SYT1: variants seen among roughly 807,000 people sequenced by gnomAD.
The protein encoded by SYT1 is synaptotagmin-1.
In SYT1, 8 loss-of-function variants were observed where a neutral mutation model predicts 44.8. The ratio of observed to expected loss-of-function variants is 0.18; its 90% confidence interval spans 0.10 to 0.32. The LOEUF (loss-of-function observed/expected upper bound fraction) is 0.32, where lower values mean the gene tolerates loss of function less well. Ranked by LOEUF, SYT1 falls within the 10% of genes least tolerant of loss-of-function variation. The pLI is 1.00. For missense variants in SYT1, 286 were observed against 509.3 expected (o/e 0.56, Z 4.22); for synonymous variants, 154 against 188.8 (o/e 0.82, Z 1.51).
chr12:79,297,157 A>G (rs1879914945), intron 7 of SYT1, among the ~76,000 whole-genome samples: 1 of 152,130 alleles, frequency 6.6e-6, no homozygotes, highest in Non-Finnish European at 1.5e-5. Flanking sequence ...TGTAAAGGGG[A>G]AGTGTCTTTC....
chr12:79,176,297 A>T (rs1871862767), intron 3 of SYT1, among the ~76,000 whole-genome samples: 1 of 151,668 alleles, frequency 6.6e-6, no homozygotes, highest in Non-Finnish European at 1.5e-5. Context: ...CTCAAAAAAA[A>T]AAAAAAATAC....
chr12:78,999,915 A>G (rs1870620721), intron 2 of SYT1, among the ~76,000 whole-genome samples: 1 of 152,214 alleles, frequency 6.6e-6, no homozygotes, highest in South Asian at 2.1e-4. Flanking sequence ...TGCCGATTAT[A>G]CAACTGGATA....
rs539390036 is a variant in SYT1 at position 78,913,833 on chromosome 12, C to T, written c.-217+48724C>T. ...AACCTTATGTATCACTAGTCACATA[C>T]ATGGGGATATTGGAAGGGTATCTTG... is the stretch of plus-strand genomic sequence containing the variant. On this transcript the variant is annotated intron_variant, in intron 1 of 10. Transcript: ENST00000261205. Among the ~76,000 whole-genome samples, 4 of 151,950 alleles carry T rather than the reference C, an allele frequency of 2.6e-5. No homozygotes were observed. In the East Asian group the frequency reaches 5.8e-4, roughly 22 times the overall value.
chr12:79,416,253 C>A (rs1390853541), intron 9 of SYT1, among the ~76,000 whole-genome samples: 4 of 152,154 alleles, frequency 2.6e-5, no homozygotes, highest in Non-Finnish European at 5.9e-5. Context: ...GTGTCACAGT[C>A]ACATGATCAC....
At chr12:79,195,355 T>A (rs1873387163) in intron 3 of SYT1, among the ~76,000 whole-genome samples, 1 of 152,140 alleles carries the variant, frequency 6.6e-6, no homozygotes, top group Non-Finnish European at 1.5e-5. Context: ...TCCACCAAAA[T>A]GAAAATTCTA....
chr12:79,167,710 T>G (rs566782921), intron 3 of SYT1, among the ~76,000 whole-genome samples: 16 of 152,036 alleles, frequency 1.1e-4, no homozygotes, highest in Non-Finnish European at 1.9e-4. Flanking sequence ...TAAATTGCAA[T>G]TAAAACATTA....
chr12:78,912,090 G>C (rs1268569325), intron 1 of SYT1, among the ~76,000 whole-genome samples: 1 of 151,780 alleles, frequency 6.6e-6, no homozygotes, highest in Non-Finnish European at 1.5e-5. Flanking sequence ...ATACAATTTA[G>C]AATTGGGATA....
intron 1 of SYT1, among the ~76,000 whole-genome samples, chr12:78,945,800 T>C (rs567502457): frequency 6.6e-6 from 1 of 152,274 alleles, no homozygotes; most frequent in African/African-American, 2.4e-5. Context: ...CCTTATTCAG[T>C]CCCTGATCCT....
At chr12:79,380,534 A>G (rs914547635) in intron 9 of SYT1, among the ~76,000 whole-genome samples, 1 of 152,180 alleles carries the variant, frequency 6.6e-6, no homozygotes, top group African/African-American at 2.4e-5. Context: ...AGTCGGGACT[A>G]CAGATACACA....
chr12:79,134,472 A>T (rs1869053856), intron 3 of SYT1, among the ~76,000 whole-genome samples: 1 of 152,158 alleles, frequency 6.6e-6, no homozygotes, highest in African/African-American at 2.4e-5. Flanking sequence ...ACTTTATCAC[A>T]CCCTGATGAC....
At chr12:79,075,366 A>T (rs2137921986) in intron 3 of SYT1, among the ~76,000 whole-genome samples, 1 of 152,216 alleles carries the variant, frequency 6.6e-6, no homozygotes, top group East Asian at 1.9e-4. Flanking sequence ...ATCCAAATAG[A>T]CTTTTTGGCC....
At position 78,895,190 on chromosome 12, in the gene SYT1, A is replaced by ATAT. The variant is rs1303104847; in HGVS notation, c.-217+30084_-217+30086dup. Among the ~76,000 whole-genome samples, 4 of 151,758 alleles carry ATAT rather than the reference A, an allele frequency of 2.6e-5. No individual in the cohort carries two copies. In the South Asian group the frequency reaches 8.3e-4, roughly 31 times the overall value. ...TTATTGAAATGAGTAACTCATGAGA[A>ATAT]TATTACTTTTTTGAGATATAAAATT... On this transcript the variant is annotated intron_variant, in intron 1 of 10. Coordinates refer to ENST00000261205, the MANE Select transcript of SYT1 (RefSeq NM_005639.3).
intron 10 of SYT1, among the ~76,000 whole-genome samples, chr12:79,448,390 C>A (rs186210731): frequency 9.2e-5 from 14 of 152,210 alleles, no homozygotes; most frequent in African/African-American, 3.4e-4. Flanking sequence ...TATATTAATT[C>A]TATATTAATT....
intron 3 of SYT1, among the ~76,000 whole-genome samples, chr12:79,156,282 G>T (rs578044544): frequency 6.6e-6 from 1 of 152,278 alleles, no homozygotes; most frequent in African/African-American, 2.4e-5. Context: ...TTTAATCAGG[G>T]AAGCTCACTG....
intron 8 of SYT1, among the ~76,000 whole-genome samples, chr12:79,314,168 C>CAAAAAA (rs34951756): frequency 1.0e-4 from 7 of 67,284 alleles, no homozygotes; most frequent in African/African-American, 2.5e-4. Context: ...GACTCCGTCT[C>CAAAAAA]AAAAAAAAAA....
chr12:78,875,111 A>G (rs1442582920), intron 1 of SYT1, among the ~76,000 whole-genome samples: 5 of 151,694 alleles, frequency 3.3e-5, no homozygotes, highest in Non-Finnish European at 7.4e-5. Context: ...GAGTTTATAA[A>G]GTTTTAACCT....
chr12:79,300,988 C>T (rs1278169308), intron 8 of SYT1, among the ~76,000 whole-genome samples: 3 of 150,722 alleles, frequency 2.0e-5, no homozygotes, highest in African/African-American at 7.3e-5. Flanking sequence ...AGTAATGTTA[C>T]AGACATCTTC....
chr12:79,428,842 C>T (rs868272116), intron 9 of SYT1, among the ~76,000 whole-genome samples: 1 of 152,132 alleles, frequency 6.6e-6, no homozygotes, highest in African/African-American at 2.4e-5. Flanking sequence ...TTATTTGGCT[C>T]ATGGTTCTAT....
At chr12:78,948,916 T>G (rs1432270628) in intron 1 of SYT1, among the ~76,000 whole-genome samples, 1 of 150,602 alleles carries the variant, frequency 6.6e-6, no homozygotes, top group Non-Finnish European at 1.5e-5. Context: ...AAGCCTAAGT[T>G]AAAATCTCTT....
Sources: gnomAD v4.1 joint callset for allele counts (sites outside exome capture counted in the v4.1 genomes callset) on GRCh38, gnomAD v4.1.1 for gene constraint, MANE v1.5 for transcripts, NCBI Gene and HGNC (gene_info 2026-07-23, HGNC 2026-07-21) for gene names.